STAG1: variants seen among roughly 807,000 people sequenced by gnomAD.
STAG1 encodes the protein cohesin subunit SA-1.
STAG1 carries 26 observed loss-of-function variants against 170.9 expected under a neutral mutation model. The observed-to-expected ratio is 0.15, with a 90% CI of 0.11 to 0.21. STAG1 has a LOEUF of 0.21. Ranked by LOEUF, STAG1 falls within the 10% of genes least tolerant of loss-of-function variation. The pLI is 1.00. For missense variants in STAG1, 964 were observed against 1,509.5 expected (o/e 0.64, Z 5.99); for synonymous variants, 514 against 497.7 (o/e 1.03, Z -0.44).
intron 14 of STAG1, among the ~76,000 whole-genome samples, chr3:136,444,766 A>G (rs1264250723): frequency 6.6e-6 from 1 of 152,218 alleles, no homozygotes; most frequent in Non-Finnish European, 1.5e-5. Context: ...TTCTAGATCT[A>G]CTATTGGTTA....
rs541838613 is a variant in STAG1, at chr3:136,508,771, G to A, written c.677-5992C>T. Reference sequence around the variant, plus strand: ...ACTCAAGACTGCACGACTCCTGTCTGATTTCCAGCTTGCTGGGGTACCCTA... The same window carrying A: ...ACTCAAGACTGCACGACTCCTGTCTAATTTCCAGCTTGCTGGGGTACCCTA... On this transcript the variant is annotated intron_variant, in intron 7 of 33. Transcript: ENST00000383202. 7.2e-5 allele frequency among the ~76,000 whole-genome samples: 11 copies of A among 152,392 alleles called. No individual in the cohort carries two copies. In the East Asian group the frequency reaches 1.3e-3, roughly 19 times the overall value.
At chr3:136,751,357 A>C (rs1405601955) in intron 1 of STAG1, among the ~76,000 whole-genome samples, 1 of 152,160 alleles carries the variant, frequency 6.6e-6, no homozygotes, top group Non-Finnish European at 1.5e-5. Context: ...ATACAAGAAG[A>C]ACCCAGTTCG....
chr3:136,553,474 A>G (rs1390983584), intron 5 of STAG1, among the ~76,000 whole-genome samples: 1 of 152,196 alleles, frequency 6.6e-6, no homozygotes, highest in Non-Finnish European at 1.5e-5. Context: ...CCAGAAATAA[A>G]GAGCAAAAAT....
chr3:136,374,873 A>C (rs1475322618), intron 23 of STAG1, among the ~76,000 whole-genome samples: 1 of 152,176 alleles, frequency 6.6e-6, no homozygotes, highest in East Asian at 1.9e-4. Flanking sequence ...CCAATCACTC[A>C]TTCACTCACT....
chr3:136,542,827 C>T (rs1048327889), intron 5 of STAG1, among the ~76,000 whole-genome samples: 1 of 152,064 alleles, frequency 6.6e-6, no homozygotes, highest in Non-Finnish European at 1.5e-5. Flanking sequence ...TTTACAACAG[C>T]CTTATGAAGA....
intron 22 of STAG1, 119 bp from the exon 23 acceptor site, chr3:136,377,871 A>C: frequency 1.3e-6 from 1 of 763,516 alleles, no homozygotes; most frequent in South Asian, 1.6e-5. Flanking sequence ...TCATATAACC[A>C]AATTTAATGT....
At chr3:136,434,190 T>G (rs1251186548) in intron 15 of STAG1, among the ~76,000 whole-genome samples, 1 of 152,144 alleles carries the variant, frequency 6.6e-6, no homozygotes, top group South Asian at 2.1e-4. Flanking sequence ...TATATTTATG[T>G]AACTGATACA....
At chr3:136,384,921 A>T (rs551104168) in intron 22 of STAG1, among the ~76,000 whole-genome samples, 124 of 152,324 alleles carry the variant, frequency 8.1e-4, no homozygotes, top group South Asian at 2.1e-3. Flanking sequence ...ATTTTAAGAA[A>T]CTAGAATACA....
At chr3:136,468,663 C>A (rs1287922486) in intron 12 of STAG1, among the ~76,000 whole-genome samples, 2 of 147,302 alleles carry the variant, frequency 1.4e-5, no homozygotes, top group African/African-American at 4.9e-5. Context: ...CCTGTTATGT[C>A]CCTGGCAGAC....
intron 22 of STAG1, among the ~76,000 whole-genome samples, chr3:136,384,228 A>T (rs1938138126): frequency 6.6e-6 from 1 of 151,812 alleles, no homozygotes; most frequent in Admixed American, 6.6e-5. Context: ...AGGTGAGTGG[A>T]TCACCTGAGG....
intron 7 of STAG1, among the ~76,000 whole-genome samples, chr3:136,512,897 A>C (rs1934145931): frequency 6.6e-6 from 1 of 152,204 alleles, no homozygotes; most frequent in Non-Finnish European, 1.5e-5. Flanking sequence ...AGAGCCAAGA[A>C]ACAAATATTT....
chr3:136,546,586 G>C (rs1936164861), intron 5 of STAG1, among the ~76,000 whole-genome samples: 1 of 152,116 alleles, frequency 6.6e-6, no homozygotes, highest in African/African-American at 2.4e-5. Flanking sequence ...GAAAAGCAAG[G>C]AGTAGAAAAC....
At chr3:136,702,885 T>C (rs1436053913) in intron 1 of STAG1, among the ~76,000 whole-genome samples, 2 of 151,650 alleles carry the variant, frequency 1.3e-5, no homozygotes, top group Non-Finnish European at 1.5e-5. Flanking sequence ...TTGGCCAACA[T>C]GGTGAAACCC....
intron 1 of STAG1, among the ~76,000 whole-genome samples, chr3:136,684,895 A>C (rs1455847161): frequency 6.6e-6 from 1 of 152,184 alleles, no homozygotes; most frequent in Non-Finnish European, 1.5e-5. Flanking sequence ...CAAATGTAAA[A>C]GGTAAAACTA....
chr3:136,589,886 G>A (rs975860384), intron 4 of STAG1, among the ~76,000 whole-genome samples: 31 of 152,068 alleles, frequency 2.0e-4, no homozygotes, highest in Non-Finnish European at 3.5e-4. Flanking sequence ...AACCGAGATC[G>A]AGCCACTGCA....
chr3:136,621,421 T>C (rs1939843282), intron 3 of STAG1, among the ~76,000 whole-genome samples: 1 of 152,152 alleles, frequency 6.6e-6, no homozygotes, highest in African/African-American at 2.4e-5. Flanking sequence ...ATTGCCAGGA[T>C]AGCAATGAAA....
At chr3:136,392,030 T>C (rs1049441302) in intron 22 of STAG1, among the ~76,000 whole-genome samples, 2 of 152,204 alleles carry the variant, frequency 1.3e-5, no homozygotes, top group Admixed American at 6.5e-5. Context: ...CAATTATAAC[T>C]ACCATTCATA....
At position 136,341,334 on chromosome 3, in the gene STAG1, A is replaced by G. The variant is rs912492317; in HGVS notation, c.3557+107T>C. ...TATGCTGCATAGCATATCACGAATT[A>G]TAATTTTAACTCCTAAGACCAAACA... On this transcript the variant is annotated intron_variant, in intron 31 of 33. Transcript: ENST00000383202. 3 of 724,286 alleles carry G rather than the reference A, an allele frequency of 4.1e-6. No individual in the cohort carries two copies. In the African/African-American group the frequency reaches 5.3e-5, roughly 13 times the overall value. The allele number at this position is 724,286 out of a possible 1,614,324, so 44.9% of individuals were successfully genotyped here.
At chr3:136,367,103 G>T in intron 24 of STAG1, 21 bp from the exon 25 acceptor site, 1 of 1,571,296 alleles carries the variant, frequency 6.4e-7, no homozygotes, top group Non-Finnish European at 8.7e-7. Flanking sequence ...ATTACAAATT[G>T]GTTATGAATT....
Sources: allele counts gnomAD v4.1 joint callset (sites outside exome capture counted in the v4.1 genomes callset), GRCh38; gene constraint gnomAD v4.1.1; transcripts MANE v1.5; gene names NCBI Gene and HGNC (gene_info 2026-07-23, HGNC 2026-07-21).